The following CCDC30 variants were observed in gnomAD, a reference collection of about 807,000 sequenced individuals.
CCDC30 encodes the protein coiled-coil domain-containing protein 30.
In CCDC30, 70 loss-of-function variants were observed where a neutral mutation model predicts 100.2. The observed-to-expected ratio is 0.70, with a 90% CI of 0.58 to 0.85. CCDC30 has a LOEUF of 0.85. CCDC30 is among the 40% of genes least tolerant of loss of function. The pLI is 0.00. For synonymous variants in CCDC30, 233 were observed against 269.5 expected, an observed-to-expected ratio of 0.86 and a Z score of 1.33; for missense variants, 652 against 771.2, an observed-to-expected ratio of 0.85 and a Z score of 1.83.
chr1:42,493,611 C>T (rs1040134867), intron 4 of CCDC30, among the ~76,000 whole-genome samples: 1 of 151,782 alleles, frequency 6.6e-6, no homozygotes, highest in African/African-American at 2.4e-5. Context: ...ATCAACAAAA[C>T]TAAAGACAGA....
chr1:42,459,495 T>C, upstream of CCDC30: 2 of 966,530 alleles, frequency 2.1e-6, no homozygotes, highest in Non-Finnish European at 3.1e-6. Context: ...CTGAAAAGTT[T>C]GATGGTTGAG....
upstream of CCDC30, among the ~76,000 whole-genome samples, chr1:42,461,507 T>A (rs138328067): frequency 6.3e-4 from 96 of 151,534 alleles, no homozygotes; most frequent in African/African-American, 2.3e-3. Flanking sequence ...GGCTAAATAT[T>A]TTATTTTTCA....
At chr1:42,469,505 G>A (rs1290789309) in intron 1 of CCDC30, among the ~76,000 whole-genome samples, 2 of 152,154 alleles carry the variant, frequency 1.3e-5, no homozygotes, top group African/African-American at 4.8e-5. Context: ...TATATGGTGG[G>A]GCTAAAGGAA....
At chr1:42,482,780 G>A (rs988299551) in exon 3 of CCDC30, 4 of 1,233,680 alleles carry the variant, frequency 3.2e-6, no homozygotes, top group Non-Finnish European at 4.0e-6. Context: ...GCTCACTGAT[G>A]AACTACAAGT....
At chr1:42,555,315 G>A (rs529497116) in intron 6 of CCDC30, among the ~76,000 whole-genome samples, 30 of 152,116 alleles carry the variant, frequency 2.0e-4, no homozygotes, top group African/African-American at 4.6e-4. Context: ...CTTCCCCAAC[G>A]TCCATACACA....
chr1:42,589,447 TAAAC>T lies in CCDC30; in HGVS notation c.1131_1134del (p.Lys377AsnfsTer41). ...GAATTCAGCAACAAGAGGCCCTACT[TAAAC>T]AACTGGAAAATGAAAAAAGAAAATA... On this transcript the variant is annotated frameshift_variant, in exon 10 of 17. Transcript: ENST00000668663. LOFTEE classifies it high-confidence loss of function. 6.2e-7 allele frequency: 1 copy of T among 1,613,902 alleles called. No individual in the cohort carries two copies. Among genetic ancestry groups the T allele is most frequent in the Non-Finnish European group, 8.5e-7 (1 of 1,179,904 alleles).
At chr1:42,581,817 T>C (rs1014110512) in intron 9 of CCDC30, among the ~76,000 whole-genome samples, 1 of 152,242 alleles carries the variant, frequency 6.6e-6, no homozygotes, top group Non-Finnish European at 1.5e-5. Flanking sequence ...TGAAATACTA[T>C]GGAATTTGCT....
chr1:42,655,911 T>C (rs1258810082), downstream of CCDC30, among the ~76,000 whole-genome samples: 1 of 148,370 alleles, frequency 6.7e-6, no homozygotes, highest in East Asian at 2.0e-4. Flanking sequence ...TCTCACTTTG[T>C]AACCCAGGCT....
intron 2 of CCDC30, among the ~76,000 whole-genome samples, chr1:42,482,345 A>G (rs1643973747): frequency 6.6e-6 from 1 of 152,164 alleles, no homozygotes; most frequent in African/African-American, 2.4e-5. Context: ...TATTATGACT[A>G]TGTAAAAATG....
At chr1:42,512,934 G>A (rs1237102393) in intron 6 of CCDC30, among the ~76,000 whole-genome samples, 1 of 152,174 alleles carries the variant, frequency 6.6e-6, no homozygotes, top group Non-Finnish European at 1.5e-5. Flanking sequence ...TTTTTAAATG[G>A]TTGATGGGAG....
rs542093991 is a variant in CCDC30 at position 42,616,632 on chromosome 1, T to A, written c.1277+5542T>A. 5.9e-5 allele frequency among the ~76,000 whole-genome samples: 9 copies of A among 152,342 alleles called. No homozygotes were observed. The East Asian group carries it at 1.7e-3, about 29-fold the overall frequency. On this transcript the variant is annotated intron_variant, in intron 11 of 16. Coordinates refer to ENST00000668663, the Ensembl canonical transcript of CCDC30. ...TTACTTAAACACAAGCTAAAAGTTG[T>A]TCCTAAATTTTAGAACATAAATATT...
At chr1:42,625,220 G>A (rs546665202) in intron 11 of CCDC30, among the ~76,000 whole-genome samples, 1 of 152,160 alleles carries the variant, frequency 6.6e-6, no homozygotes, top group East Asian at 1.9e-4. Context: ...TGTGGTATTA[G>A]TTGTAATATC....
intron 10 of CCDC30, among the ~76,000 whole-genome samples, chr1:42,599,542 G>A (rs1050916561): frequency 2.0e-5 from 3 of 152,092 alleles, no homozygotes; most frequent in Non-Finnish European, 2.9e-5. Context: ...AAATATGGTA[G>A]ATATCAATCC....
intron 16 of CCDC30, 113 bp from the exon 21 acceptor site, chr1:42,653,705 T>C (rs1451585402): frequency 2.8e-5 from 21 of 738,244 alleles, no homozygotes; most frequent in South Asian, 2.4e-4. Context: ...TTATTTGGCT[T>C]TGTGTAACAG....
At chr1:42,474,912 G>T (rs1643866132) in intron 1 of CCDC30, among the ~76,000 whole-genome samples, 2 of 152,136 alleles carry the variant, frequency 1.3e-5, no homozygotes, top group African/African-American at 4.8e-5. Flanking sequence ...GCTTTTCAAA[G>T]AATACACAAC....
At chr1:42,565,916 GAC>G (rs10624633) in intron 6 of CCDC30, among the ~76,000 whole-genome samples, 9 of 149,772 alleles carry the variant, frequency 6.0e-5, no homozygotes, top group Admixed American at 1.3e-4. Context: ...ACACCACACA[GAC>G]ACACACACAC....
intron 6 of CCDC30, among the ~76,000 whole-genome samples, chr1:42,525,162 C>A (rs1382636664): frequency 1.3e-5 from 2 of 152,054 alleles, no homozygotes; most frequent in Non-Finnish European, 1.5e-5. Flanking sequence ...AGTATTTGAG[C>A]TTCTAGATTC....
intron 1 of CCDC30, among the ~76,000 whole-genome samples, chr1:42,467,015 G>T (rs1436160900): frequency 6.6e-6 from 1 of 152,146 alleles, no homozygotes; most frequent in African/African-American, 2.4e-5. Context: ...TTTGTTTGGG[G>T]ATCTCATAGC....
chr1:42,518,991 G>C (rs1251279902), intron 6 of CCDC30, among the ~76,000 whole-genome samples: 1 of 152,140 alleles, frequency 6.6e-6, no homozygotes, highest in Non-Finnish European at 1.5e-5. Context: ...ATCATGAAAG[G>C]ATGTTGGATT....
Sources: allele counts gnomAD v4.1 joint callset (sites outside exome capture counted in the v4.1 genomes callset), GRCh38; gene constraint gnomAD v4.1.1; transcripts MANE v1.5; gene names NCBI Gene and HGNC (gene_info 2026-07-23, HGNC 2026-07-21).